The following ARB2A variants were observed in gnomAD, a reference collection of about 807,000 sequenced individuals.
ARB2A encodes cotranscriptional regulator ARB2A.
At chr5:93,949,227 C>A in the ARB2A span, among the ~76,000 whole-genome samples, 1 of 151,864 alleles carries the variant, frequency 6.6e-6, no homozygotes, top group Non-Finnish European at 1.5e-5. Context: ...TGCAGGCATA[C>A]AATAAGTAAT....
At chr5:93,886,935 T>C in the ARB2A span, among the ~76,000 whole-genome samples, 6 of 151,790 alleles carry the variant, frequency 4.0e-5, no homozygotes, top group African/African-American at 1.5e-4. Context: ...CAACATAGAT[T>C]ATCCCAGTTA....
At chr5:93,826,022 C>T in the ARB2A span, among the ~76,000 whole-genome samples, 233 of 152,050 alleles carry the variant, frequency 1.5e-3, 1 homozygote, top group African/African-American at 5.3e-3. Flanking sequence ...AGGCCTTTTA[C>T]ATTTTTCCTA....
At chr5:93,853,042 T>C in the ARB2A span, among the ~76,000 whole-genome samples, 2 of 152,242 alleles carry the variant, frequency 1.3e-5, no homozygotes, top group Non-Finnish European at 2.9e-5. Flanking sequence ...ATAAATTACC[T>C]TGGGCAGTAT....
the ARB2A span, among the ~76,000 whole-genome samples, chr5:94,036,987 T>C: frequency 3.3e-5 from 5 of 152,188 alleles, no homozygotes; most frequent in African/African-American, 1.2e-4. Context: ...AGCCAATTTT[T>C]ATATTCCTAT....
the ARB2A span, among the ~76,000 whole-genome samples, chr5:93,787,522 A>C: frequency 2.0e-5 from 3 of 152,226 alleles, no homozygotes; most frequent in Admixed American, 1.3e-4. Flanking sequence ...ATGGAAATGT[A>C]GGCAAAACTT....
the ARB2A span, among the ~76,000 whole-genome samples, chr5:93,768,869 C>G: frequency 3.3e-5 from 5 of 152,018 alleles, no homozygotes; most frequent in Non-Finnish European, 2.9e-5. Flanking sequence ...CAGGTATGAG[C>G]CACTATGCTT....
the ARB2A span, among the ~76,000 whole-genome samples, chr5:93,918,066 T>A: frequency 6.6e-6 from 1 of 152,182 alleles, no homozygotes; most frequent in South Asian, 2.1e-4. Flanking sequence ...CTCAATGTGG[T>A]CCTAATTTCA....
At chr5:93,948,754 T>C in the ARB2A span, among the ~76,000 whole-genome samples, 1 of 152,322 alleles carries the variant, frequency 6.6e-6, no homozygotes, top group South Asian at 2.1e-4. Flanking sequence ...CAGCACCATT[T>C]ATTAAATAGG....
chr5:93,984,316 G>A, the ARB2A span, among the ~76,000 whole-genome samples: 1 of 152,094 alleles, frequency 6.6e-6, no homozygotes, highest in East Asian at 1.9e-4. Flanking sequence ...CATATTTCTA[G>A]TTCAGATGCT....
chr5:94,091,195 G>A, the ARB2A span, among the ~76,000 whole-genome samples: 2 of 152,132 alleles, frequency 1.3e-5, no homozygotes, highest in African/African-American at 4.8e-5. Context: ...GTTTCTTGTT[G>A]AGGAAATATA....
the ARB2A span, chr5:93,863,865 T>A: frequency 6.6e-6 from 1 of 152,128 alleles, no homozygotes; most frequent in Non-Finnish European, 1.5e-5. Context: ...ATTTTAAAAT[T>A]TTTTGTTTTA....
the ARB2A span, among the ~76,000 whole-genome samples, chr5:93,636,689 T>C: frequency 3.3e-5 from 5 of 152,354 alleles, no homozygotes; most frequent in African/African-American, 1.2e-4. Flanking sequence ...GCAGCCTGAA[T>C]ATACAGCAGT....
At chr5:94,041,739 T>C in the ARB2A span, among the ~76,000 whole-genome samples, 5 of 152,170 alleles carry the variant, frequency 3.3e-5, no homozygotes, top group African/African-American at 1.2e-4. Context: ...AACTACTTCT[T>C]TGACTATTAA....
the ARB2A span, among the ~76,000 whole-genome samples, chr5:94,037,402 TAGAC>T: frequency 7.2e-5 from 11 of 152,066 alleles, no homozygotes; most frequent in African/African-American, 2.7e-4. Context: ...TAATAATAAG[TAGAC>T]AGAGTGAGGA....
the ARB2A span, among the ~76,000 whole-genome samples, chr5:93,725,144 G>C: frequency 6.6e-6 from 1 of 152,046 alleles, no homozygotes; most frequent in Non-Finnish European, 1.5e-5. Flanking sequence ...ATGATTGACT[G>C]TAAGTAACTG....
the ARB2A span, among the ~76,000 whole-genome samples, chr5:93,622,884 T>C: frequency 3.3e-5 from 5 of 152,212 alleles, no homozygotes; most frequent in Non-Finnish European, 7.3e-5. Flanking sequence ...CTTGCATCAA[T>C]AGGTGTTATA....
chr5:93,883,906 C>CACACAT, the ARB2A span, among the ~76,000 whole-genome samples: 143 of 139,080 alleles, frequency 1.0e-3, no homozygotes, highest in Non-Finnish European at 1.6e-3. Context: ...AACACACATA[C>CACACAT]ACACATACAC....
At chr5:93,785,111 A>T in the ARB2A span, among the ~76,000 whole-genome samples, 1 of 152,302 alleles carries the variant, frequency 6.6e-6, no homozygotes, top group Admixed American at 6.5e-5. Flanking sequence ...ATAGAATGCT[A>T]TTTCTACAAA....
At chr5:93,708,385 T>TCC in the ARB2A span, among the ~76,000 whole-genome samples, 3 of 152,132 alleles carry the variant, frequency 2.0e-5, no homozygotes, top group Non-Finnish European at 2.9e-5. Context: ...CCTTGAAGGG[T>TCC]CCCCTACATC....
Sources: gnomAD v4.1 joint callset for allele counts (sites outside exome capture counted in the v4.1 genomes callset) on GRCh38, gnomAD v4.1.1 for gene constraint, MANE v1.5 for transcripts, NCBI Gene and HGNC (gene_info 2026-07-23, HGNC 2026-07-21) for gene names.